Variants in THSD7B observed in about 807,000 individuals in gnomAD.
THSD7B encodes thrombospondin type-1 domain-containing protein 7B.
Under a neutral mutation model 213.6 loss-of-function variants are expected in THSD7B, and 138 were observed. That is an observed-to-expected ratio of 0.65 (90% CI 0.56 to 0.74). The LOEUF (loss-of-function observed/expected upper bound fraction) is 0.74. THSD7B is among the 30% of genes least tolerant of loss of function. The pLI is 0.00. For missense variants in THSD7B, 1,931 were observed against 1,991.5 expected, an observed-to-expected ratio of 0.97 and a Z score of 0.58; for synonymous variants, 742 against 687.0, an observed-to-expected ratio of 1.08 and a Z score of -1.25.
intron 1 of THSD7B, among the ~76,000 whole-genome samples, chr2:136,773,223 G>A (rs1238305577): frequency 1.3e-5 from 2 of 152,062 alleles, no homozygotes; most frequent in African/African-American, 4.8e-5. Context: ...CATATACTGT[G>A]TGCCAGACGC....
intron 5 of THSD7B, among the ~76,000 whole-genome samples, chr2:137,145,959 AC>A: frequency 6.6e-6 from 1 of 152,210 alleles, no homozygotes; most frequent in South Asian, 2.1e-4. Flanking sequence ...TTCATAGAAG[AC>A]AACTGTAGTA....
chr2:137,417,504 A>G (rs1190416179), intron 14 of THSD7B, among the ~76,000 whole-genome samples: 2 of 152,210 alleles, frequency 1.3e-5, no homozygotes, highest in Non-Finnish European at 2.9e-5. Flanking sequence ...CAGTAGCATG[A>G]TTATAGCTCA....
intron 1 of THSD7B, among the ~76,000 whole-genome samples, chr2:136,852,093 C>A (rs938476550): frequency 2.0e-5 from 3 of 151,884 alleles, no homozygotes; most frequent in African/African-American, 7.3e-5. Flanking sequence ...TTTAAATGGG[C>A]CCAATCTAAT....
At chr2:137,240,771 T>G (rs899634801) in intron 9 of THSD7B, among the ~76,000 whole-genome samples, 1 of 152,200 alleles carries the variant, frequency 6.6e-6, no homozygotes, top group Non-Finnish European at 1.5e-5. Flanking sequence ...TGCCTCGGCC[T>G]CCCAAAGCGT....
chr2:137,609,031 A>G (rs1362557740), intron 17 of THSD7B, among the ~76,000 whole-genome samples: 1 of 152,216 alleles, frequency 6.6e-6, no homozygotes, highest in African/African-American at 2.4e-5. Flanking sequence ...CAGGATACAC[A>G]TTCATTAATC....
intron 17 of THSD7B, among the ~76,000 whole-genome samples, chr2:137,576,375 CA>C (rs1486346743): frequency 1.3e-5 from 2 of 152,052 alleles, no homozygotes; most frequent in African/African-American, 4.8e-5. Flanking sequence ...CTGAATGTAT[CA>C]GGGGTTGGCC....
chr2:136,931,784 G>T (rs547252383), intron 2 of THSD7B, among the ~76,000 whole-genome samples: 46 of 152,222 alleles, frequency 3.0e-4, no homozygotes, highest in African/African-American at 1.1e-3. Flanking sequence ...AAACCAAGAG[G>T]CAGTAAAAGT....
intron 7 of THSD7B, among the ~76,000 whole-genome samples, chr2:137,205,362 A>G (rs1020453917): frequency 7.9e-5 from 12 of 152,100 alleles, no homozygotes; most frequent in African/African-American, 2.7e-4. Context: ...GGAATTTATA[A>G]GAAATTCTTC....
chr2:137,377,963 A>G (rs1573993494), intron 12 of THSD7B, among the ~76,000 whole-genome samples: 2 of 152,154 alleles, frequency 1.3e-5, no homozygotes, highest in Admixed American at 1.3e-4. Flanking sequence ...GATGACTTTT[A>G]GTGTATCCAC....
At chr2:137,450,774 A>G (rs1048239946) in intron 14 of THSD7B, 71 bp from the exon 15 acceptor site, 9 of 1,201,734 alleles carry the variant, frequency 7.5e-6, no homozygotes, top group South Asian at 1.8e-5. Flanking sequence ...AACTGTGATC[A>G]TGGAAATAGA....
At chr2:137,576,633 C>A (rs552561766) in intron 17 of THSD7B, among the ~76,000 whole-genome samples, 157 of 152,182 alleles carry the variant, frequency 1.0e-3, no homozygotes, top group African/African-American at 3.5e-3. Context: ...GTGCTTTATT[C>A]TTTTCTGTAA....
intron 9 of THSD7B, among the ~76,000 whole-genome samples, chr2:137,234,790 TG>T (rs1292898797): frequency 6.6e-6 from 1 of 152,146 alleles, no homozygotes; most frequent in African/African-American, 2.4e-5. Context: ...GTTTATCTTT[TG>T]CTTCAAGAAA....
At position 137,027,215 on chromosome 2, in the gene THSD7B, A is replaced by G. The variant is rs1686571935; in HGVS notation, c.140-29205A>G. On this transcript the variant is annotated intron_variant, in intron 2 of 27. Transcript: ENST00000409968. ...TATAGTGCTAGCTGCTGTAACAAAC[A>G]GACCTCATAATATAATGGCTAAGCC... Among the ~76,000 whole-genome samples the G allele has an allele frequency of 2.0e-5, 3 of 152,202 alleles. No individual in the cohort carries two copies. In the South Asian group the frequency reaches 6.2e-4, roughly 31 times the overall value.
intron 1 of THSD7B, among the ~76,000 whole-genome samples, chr2:136,796,260 T>C (rs181841920): frequency 1.9e-4 from 29 of 152,094 alleles, no homozygotes; most frequent in African/African-American, 6.7e-4. Flanking sequence ...GAAACTGGCA[T>C]AGAGGATGGC....
At chr2:137,448,464 G>A (rs895881138) in intron 14 of THSD7B, among the ~76,000 whole-genome samples, 10 of 152,192 alleles carry the variant, frequency 6.6e-5, no homozygotes, top group Non-Finnish European at 8.8e-5. Flanking sequence ...AGGGTGGGGG[G>A]AACAATAAGT....
intron 3 of THSD7B, among the ~76,000 whole-genome samples, chr2:137,069,818 T>G (rs556696321): frequency 6.6e-6 from 1 of 151,388 alleles, no homozygotes; most frequent in South Asian, 2.1e-4. Context: ...TATATATTTA[T>G]ATGATTTCTA....
At chr2:137,437,579 G>A (rs1687320994) in intron 14 of THSD7B, among the ~76,000 whole-genome samples, 1 of 152,124 alleles carries the variant, frequency 6.6e-6, no homozygotes, top group African/African-American at 2.4e-5. Context: ...AGACATGAAA[G>A]CAACAGATTA....
intron 21 of THSD7B, among the ~76,000 whole-genome samples, chr2:137,650,624 CA>C (rs1683120790): frequency 6.6e-6 from 1 of 152,096 alleles, no homozygotes; most frequent in Non-Finnish European, 1.5e-5. Context: ...TTATGTTGAA[CA>C]AAAGTGGTAA....
At chr2:137,543,063 T>C (rs954450509) in intron 15 of THSD7B, among the ~76,000 whole-genome samples, 2 of 151,810 alleles carry the variant, frequency 1.3e-5, no homozygotes, top group Non-Finnish European at 2.9e-5. Flanking sequence ...GGGGACAAGC[T>C]ATTCCTTGCC....
Sources: gnomAD v4.1 joint callset for allele counts (sites outside exome capture counted in the v4.1 genomes callset) on GRCh38, gnomAD v4.1.1 for gene constraint, MANE v1.5 for transcripts, NCBI Gene and HGNC (gene_info 2026-07-23, HGNC 2026-07-21) for gene names.